RAB11FIP4: variants seen among roughly 807,000 people sequenced by gnomAD.
RAB11FIP4 encodes RAB11 family interacting protein 4, also known as rab11 family-interacting protein 4.
Under a neutral mutation model 74.3 loss-of-function variants are expected in RAB11FIP4, and 23 were observed. The ratio of observed to expected loss-of-function variants is 0.31; its 90% CI spans 0.22 to 0.44. The LOEUF is 0.44. Among genes scored for constraint, RAB11FIP4 ranks in the 20% least tolerant of loss-of-function variants. RAB11FIP4 has a pLI of 1.00. For missense variants in RAB11FIP4, 630 were observed against 863.9 expected (o/e 0.73, Z 3.39); for synonymous variants, 360 against 359.9 (o/e 1.00, Z 0.00).
intron 3 of RAB11FIP4, among the ~76,000 whole-genome samples, chr17:31,462,083 G>C (rs1043358985): frequency 6.6e-6 from 1 of 152,038 alleles, no homozygotes; most frequent in Non-Finnish European, 1.5e-5. Flanking sequence ...CCAATATGAT[G>C]AAACCCCCAT....
intron 3 of RAB11FIP4, among the ~76,000 whole-genome samples, chr17:31,453,302 T>G (rs763841316): frequency 6.9e-6 from 1 of 144,358 alleles, no homozygotes; most frequent in Non-Finnish European, 1.5e-5. Flanking sequence ...AGTGAGCTAT[T>G]ATATTATCAC....
At chr17:31,490,095 GGGGCAGCCTGCACTC>G (rs2142751011) in intron 3 of RAB11FIP4, among the ~76,000 whole-genome samples, 1 of 152,066 alleles carries the variant, frequency 6.6e-6, no homozygotes, top group Non-Finnish European at 1.5e-5. Context: ...TGGGGTTCCA[GGGGCAGCCTGCACTC>G]GGAAGGCTCT....
At chr17:31,435,557 C>T (rs2071349407) in intron 3 of RAB11FIP4, among the ~76,000 whole-genome samples, 1 of 152,086 alleles carries the variant, frequency 6.6e-6, no homozygotes, top group Non-Finnish European at 1.5e-5. Context: ...GCCCAACCCC[C>T]AAACCTTTTC....
At chr17:31,446,091 C>T (rs113629829) in intron 3 of RAB11FIP4, among the ~76,000 whole-genome samples, 1,993 of 151,080 alleles carry the variant, frequency 0.013, 43 homozygotes, top group African/African-American at 0.046. Flanking sequence ...CCACTTGCTT[C>T]GAAGAATGCC....
At chr17:31,469,526 C>T (rs942634462) in intron 3 of RAB11FIP4, among the ~76,000 whole-genome samples, 17 of 150,836 alleles carry the variant, frequency 1.1e-4, no homozygotes, top group Admixed American at 2.0e-4. Flanking sequence ...ACTCAGGAGG[C>T]TGAGGCAGGA....
At chr17:31,514,978 G>A (rs1309269826) in intron 3 of RAB11FIP4, among the ~76,000 whole-genome samples, 2 of 152,216 alleles carry the variant, frequency 1.3e-5, no homozygotes, top group African/African-American at 4.8e-5. Flanking sequence ...GTGTGTGGAT[G>A]CAAAGGCAGG....
chr17:31,442,398 C>T (rs1007138266), intron 3 of RAB11FIP4, among the ~76,000 whole-genome samples: 1 of 152,196 alleles, frequency 6.6e-6, no homozygotes, highest in African/African-American at 2.4e-5. Context: ...GCAATCGTTG[C>T]TTTAAAGTAA....
chr17:31,425,202 G>A (rs533879303), intron 1 of RAB11FIP4, among the ~76,000 whole-genome samples: 159 of 152,298 alleles, frequency 1.0e-3, no homozygotes, highest in African/African-American at 3.6e-3. Context: ...CTTCCCAGGT[G>A]GTGGCGAGGA....
chr17:31,472,967 AG>A (rs2071754759), intron 3 of RAB11FIP4, among the ~76,000 whole-genome samples: 1 of 151,972 alleles, frequency 6.6e-6, no homozygotes, highest in African/African-American at 2.4e-5. Context: ...TGGGAGGTGG[AG>A]GTTGCAGTGA....
intron 1 of RAB11FIP4, among the ~76,000 whole-genome samples, chr17:31,415,278 C>T (rs1320624186): frequency 6.6e-6 from 1 of 152,162 alleles, no homozygotes; most frequent in Non-Finnish European, 1.5e-5. Context: ...GGGCGCTCTA[C>T]GTGGACAAAG....
intron 3 of RAB11FIP4, among the ~76,000 whole-genome samples, chr17:31,505,430 TA>T: frequency 1.5e-5 from 1 of 68,306 alleles, no homozygotes; most frequent in Non-Finnish European, 2.6e-5. Context: ...TATTAATATA[TA>T]ATTATTATAT....
intron 3 of RAB11FIP4, among the ~76,000 whole-genome samples, chr17:31,457,354 CA>C (rs1387074442): frequency 1.3e-5 from 2 of 152,034 alleles, no homozygotes; most frequent in African/African-American, 4.8e-5. Flanking sequence ...TGACCTCTCA[CA>C]GAGATTCCAA....
intron 10 of RAB11FIP4, chr17:31,527,430 G>A (rs756317754): frequency 2.3e-4 from 36 of 159,162 alleles, no homozygotes; most frequent in East Asian, 3.6e-4. Context: ...GGCAAAACCC[G>A]TCTCTACTAA....
chr17:31,457,869 C>T (rs2071594088), intron 3 of RAB11FIP4, among the ~76,000 whole-genome samples: 1 of 152,192 alleles, frequency 6.6e-6, no homozygotes, highest in South Asian at 2.1e-4. Context: ...CCCCTCCCCG[C>T]TCTGTCTCTT....
chr17:31,409,802 CAA>C (rs2071076742), intron 1 of RAB11FIP4, among the ~76,000 whole-genome samples: 1 of 152,124 alleles, frequency 6.6e-6, no homozygotes, highest in Non-Finnish European at 1.5e-5. Flanking sequence ...GGTGAGTAAA[CAA>C]ATAGAGTGCA....
In RAB11FIP4 at chr17:31,510,155, T is replaced by G. The variant is rs144029316; in HGVS notation, c.337-7496T>G. Among the ~76,000 whole-genome samples, 673 of 152,298 alleles carry G rather than the reference T, an allele frequency of 4.4e-3. 3 individuals carry two copies. The highest frequency in any genetic ancestry group is 0.015 in the African/African-American group (639 of 41,570). The stretch of plus-strand genomic sequence containing the variant: ...CCCTAGCAATCACATCCCTTCCCTG[T>G]GGACCTGGGGACATTGGCACCTATG... On this transcript the variant is annotated intron_variant, in intron 3 of 14. Coordinates refer to ENST00000621161, the MANE Select transcript of RAB11FIP4 (RefSeq NM_032932.6).
At chr17:31,492,767 A>AGGCTGAGTG (rs930689860) in intron 3 of RAB11FIP4, among the ~76,000 whole-genome samples, 1 of 152,200 alleles carries the variant, frequency 6.6e-6, no homozygotes, top group Admixed American at 6.5e-5. Context: ...ACCCCATTCA[A>AGGCTGAGTG]GGCTGAGTGG....
intron 3 of RAB11FIP4, among the ~76,000 whole-genome samples, chr17:31,443,753 A>G (rs1363450463): frequency 6.6e-6 from 1 of 152,192 alleles, no homozygotes; most frequent in Non-Finnish European, 1.5e-5. Flanking sequence ...TTACTGAAAA[A>G]AAAAGAAAAA....
intron 3 of RAB11FIP4, among the ~76,000 whole-genome samples, chr17:31,447,742 C>T (rs192841446): frequency 9.9e-5 from 15 of 152,262 alleles, no homozygotes; most frequent in Middle Eastern, 3.4e-3. Flanking sequence ...AGGCTGGTCT[C>T]GAACTCCTGA....
Sources: gnomAD v4.1 joint callset for allele counts (sites outside exome capture counted in the v4.1 genomes callset) on GRCh38, gnomAD v4.1.1 for gene constraint, MANE v1.5 for transcripts, NCBI Gene and HGNC (gene_info 2026-07-23, HGNC 2026-07-21) for gene names.